DSG4: variants seen among roughly 807,000 people sequenced by gnomAD.
DSG4 encodes the protein desmoglein-4.
Under a neutral mutation model 93.1 loss-of-function variants are expected in DSG4, and 87 were observed. That is an observed-to-expected ratio of 0.93 (90% confidence interval 0.79 to 1.12). The LOEUF is 1.12. Ranked by LOEUF, DSG4 falls within the 50% of genes most tolerant of loss-of-function variation. DSG4 has a pLI of 0.00. For missense variants in DSG4, 1,373 were observed against 1,285.7 expected (o/e 1.07, Z -1.04); for synonymous variants, 432 against 452.9 (o/e 0.95, Z 0.59).
At position 31,403,910 on chromosome 18, in the gene DSG4, G is replaced by A. The variant is rs565283056; in HGVS notation, c.1636+276G>A. ...CATCATTTTGAGTAGGTAAAACGTT[G>A]AACCAATATTTATTCAGTTTAAAAT... is the stretch of plus-strand genomic sequence containing the variant. On this transcript the variant is annotated intron_variant, in intron 11 of 15. Coordinates refer to ENST00000308128, the MANE Select transcript of DSG4 (RefSeq NM_177986.5). 1.9e-4 allele frequency among the ~76,000 whole-genome samples: 29 copies of A among 152,176 alleles called. 1 individual carries two copies. In the South Asian group the frequency reaches 5.8e-3, roughly 31 times the overall value.
At chr18:31,383,039 C>T (rs2072152220) in intron 1 of DSG4, among the ~76,000 whole-genome samples, 1 of 152,192 alleles carries the variant, frequency 6.6e-6, no homozygotes, top group Non-Finnish European at 1.5e-5. Flanking sequence ...ACTTTCAAGT[C>T]CTTAAAAATG....
rs751004337 is a variant in DSG4, at chr18:31,388,539, T to C, written c.372+17T>C. 9 of 1,612,824 alleles carry C rather than the reference T, an allele frequency of 5.6e-6. No homozygotes were observed. The highest frequency in any genetic ancestry group is 4.4e-5 in the South Asian group (4 of 91,052). ...CTTTTCTTGGTAAGTCATAGCCATA[T>C]GTTTTGATTTGTTCATATTAGTTTT... is the stretch of plus-strand genomic sequence containing the variant. On this transcript the variant is annotated intron_variant, in intron 4 of 15. Transcript: ENST00000308128.
rs190458670 is a variant in DSG4, at chr18:31,399,446, G to A, written c.1180G>A (p.Val394Met). The A allele has an allele frequency of 3.7e-6, 6 of 1,614,062 alleles. No individual in the cohort carries two copies. In the East Asian group the frequency reaches 1.1e-4, roughly 30 times the overall value. ...AFHPSTMAFSVREGIKGSSLL... is the reference protein window; with the variant it reads ...AFHPSTMAFSMREGIKGSSLL... ...TCATCCAAGTACTATGGCTTTTAGTGTGCGGGAAGGAATAAAAGGAAGTTC... is the reference window on the plus strand; with the variant it reads ...TCATCCAAGTACTATGGCTTTTAGTATGCGGGAAGGAATAAAAGGAAGTTC... The change falls in exon 9 of 16, where the codon GTG becomes ATG. Residue 394 changes from valine to methionine, a missense_variant. Coordinates refer to ENST00000308128, the MANE Select transcript of DSG4 (RefSeq NM_177986.5).
In DSG4 at chr18:31,411,353, G is replaced by A; in HGVS notation, c.2260G>A (p.Gly754Arg). ...GGCCGCAGGGGCCGCAGGAGCCTCA[G>A]GGGCCGCAAGGAAGAGGAGCTCTAC... The part of the protein sequence containing the change: ...LMAAGAAGAS[G>R]AARKRSSTMG... Residue 754 changes from glycine (G) to arginine (R), a missense_variant, in exon 15 of 16, where the codon GGG (glycine) becomes AGG (arginine). Gly to Arg is a moderately radical substitution (Grantham distance 125). Coordinates refer to ENST00000308128, the MANE Select transcript of DSG4 (RefSeq NM_177986.5). 1 of 1,614,166 alleles carries A rather than the reference G, an allele frequency of 6.2e-7. No individual in the cohort carries two copies. Among genetic ancestry groups the A allele is most frequent in the Non-Finnish European group, 8.5e-7 (1 of 1,180,040 alleles).
chr18:31,407,324 C>A (rs1300393205), intron 12 of DSG4, among the ~76,000 whole-genome samples: 1 of 152,102 alleles, frequency 6.6e-6, no homozygotes, highest in East Asian at 1.9e-4. Flanking sequence ...GCGCAGGTGA[C>A]CCTGCGGTAG....
In DSG4 at chr18:31,413,632, A is replaced by C. The variant is rs1236182568; in HGVS notation, c.*37A>C. On this transcript the variant is annotated 3_prime_UTR_variant, in exon 16 of 16. Coordinates refer to ENST00000308128, the MANE Select transcript of DSG4 (RefSeq NM_177986.5). ...TCAGTATTCTATGTGGAGACCTTGC[A>C]CCTTGTAATCATCAATACATCCACC... 6.2e-7 allele frequency: 1 copy of C among 1,605,598 alleles called. No individual in the cohort carries two copies. The highest frequency in any genetic ancestry group is 8.5e-7 in the Non-Finnish European group (1 of 1,178,336).
rs1243579885 is a variant in DSG4, at chr18:31,409,997, T to C, written c.2137+189T>C. On this transcript the variant is annotated intron_variant, in intron 14 of 15. Coordinates refer to ENST00000308128, the MANE Select transcript of DSG4 (RefSeq NM_177986.5). Reference sequence around the variant, plus strand: ...ATCTGAAACTACAGACAGTGAAGTATGACACAGCAGTTAAAAGAGCAAACT... The same window carrying C: ...ATCTGAAACTACAGACAGTGAAGTACGACACAGCAGTTAAAAGAGCAAACT... Among the ~76,000 whole-genome samples the C allele has an allele frequency of 7.9e-5, 12 of 152,154 alleles. 1 individual carries two copies. Among genetic ancestry groups the C allele is most frequent in the Admixed American group, 6.5e-5 (1 of 15,272 alleles).
chr18:31,377,031 C>T, intron 1 of DSG4, 72 bp downstream of exon 1: 2 of 1,497,826 alleles, frequency 1.3e-6, no homozygotes, highest in Middle Eastern at 1.7e-4. Flanking sequence ...GTCGGGCTTT[C>T]TACATGGGAT....
intron 10 of DSG4, among the ~76,000 whole-genome samples, chr18:31,401,380 T>A (rs1436367379): frequency 6.6e-6 from 1 of 152,188 alleles, no homozygotes; most frequent in Admixed American, 6.5e-5. Flanking sequence ...AAAGTTCATT[T>A]GGGGATCACC....
chr18:31,405,948 G>A, intron 11 of DSG4, 129 bp from the exon 12 acceptor site: 3 of 909,972 alleles, frequency 3.3e-6, no homozygotes, highest in African/African-American at 1.7e-5. Flanking sequence ...AGTACAAGGT[G>A]CTTTATGACT....
chr18:31,385,030 T>C, intron 1 of DSG4, 106 bp from the exon 2 acceptor site: 1 of 994,132 alleles, frequency 1.0e-6, no homozygotes, highest in Non-Finnish European at 1.6e-6. Flanking sequence ...CAACAAAATG[T>C]ATATTTAAAA....
intron 8 of DSG4, among the ~76,000 whole-genome samples, chr18:31,395,780 C>G (rs1329785917): frequency 6.6e-6 from 1 of 152,084 alleles, no homozygotes; most frequent in Non-Finnish European, 1.5e-5. Context: ...GCGGGAGGGT[C>G]ACTTGAGTCC....
At position 31,406,267 on chromosome 18, in the gene DSG4, T is replaced by A; in HGVS notation, c.1827T>A (p.Thr609=). 6.2e-7 allele frequency: 1 copy of A among 1,614,224 alleles called. No individual in the cohort carries two copies. Among genetic ancestry groups the A allele is most frequent in the Non-Finnish European group, 8.5e-7 (1 of 1,180,038 alleles). Residue 609 remains threonine (T), a synonymous_variant, in exon 12 of 16, where the codon ACT becomes ACA. Transcript: ENST00000308128. ...GAAGIYTEDI[T]GDTYGPVTED... is the part of the protein sequence containing the mutation. ...CGGGCATCTACACAGAGGACATAAC[T>A]GGTGACACGTATGGGCCTGTCACTG...
chr18:31,384,935 G>C (rs1568061357), intron 1 of DSG4, among the ~76,000 whole-genome samples: 1 of 152,100 alleles, frequency 6.6e-6, no homozygotes, highest in Admixed American at 6.6e-5. Context: ...GTAGACTTAT[G>C]TGTTTGTCTT....
chr18:31,412,915 G>A lies in DSG4; in HGVS notation c.2443G>A (p.Val815Ile), dbSNP rs369634548. 9.3e-6 allele frequency: 15 copies of A among 1,614,068 alleles called. No homozygotes were observed. Among genetic ancestry groups the A allele is most frequent in the Admixed American group, 1.7e-5 (1 of 59,998 alleles). ...IYDHEGVGSP[V>I]GSIGCCSWIV... ...TGACCACGAGGGAGTCGGGTCTCCCGTAGGCTCTATTGGTTGTTGCAGTTG... is the reference window on the plus strand; with the variant it reads ...TGACCACGAGGGAGTCGGGTCTCCCATAGGCTCTATTGGTTGTTGCAGTTG... Residue 815 changes from valine to isoleucine, a missense_variant, in exon 16 of 16, where the codon GTA (valine) becomes ATA (isoleucine). Val to Ile is a conservative substitution (Grantham distance 29). Transcript: ENST00000308128.
chr18:31,383,662 C>T (rs1285004855), intron 1 of DSG4, among the ~76,000 whole-genome samples: 2 of 152,012 alleles, frequency 1.3e-5, no homozygotes, highest in Non-Finnish European at 2.9e-5. Context: ...GTCAATCTAC[C>T]TCAGCGTGCA....
rs752299240 is a variant in DSG4, at chr18:31,399,550, C to G, written c.1277+7C>G. ...ACCCTGCAACAGATGTCAGGTACTG[C>G]AACTATTTTCTTCATGTTCTATGGT... On this transcript the variant is annotated splice_region_variant and intron_variant, in intron 9 of 15. Transcript: ENST00000308128. The G allele has an allele frequency of 6.2e-7, 1 of 1,613,794 alleles. No individual in the cohort carries two copies. Among genetic ancestry groups the G allele is most frequent in the Non-Finnish European group, 8.5e-7 (1 of 1,179,838 alleles).
In DSG4 at chr18:31,406,222, G is replaced by A. The variant is rs751461863; in HGVS notation, c.1782G>A (p.Met594Ile). Residue 594 changes from methionine to isoleucine, a missense_variant, in exon 12 of 16, where the codon ATG becomes ATA. Coordinates refer to ENST00000308128, the MANE Select transcript of DSG4 (RefSeq NM_177986.5). ...CCTGTGATTGCGATGACAACCACATGTGCCTGGACTCTGGTGCCGCGGGCA... is the reference window on the plus strand; with the variant it reads ...CCTGTGATTGCGATGACAACCACATATGCCTGGACTCTGGTGCCGCGGGCA... ...LYACDCDDNH[M>I]CLDSGAAGIY... 1 of 1,613,420 alleles carries A rather than the reference G, an allele frequency of 6.2e-7. No homozygotes were observed. Among genetic ancestry groups the A allele is most frequent in the Non-Finnish European group, 8.5e-7 (1 of 1,179,800 alleles).
At chr18:31,408,554 T>G (rs938352381) in intron 12 of DSG4, among the ~76,000 whole-genome samples, 3 of 152,232 alleles carry the variant, frequency 2.0e-5, no homozygotes, top group Non-Finnish European at 4.4e-5. Context: ...TGTTTTTAAT[T>G]TTTAATTTTT....
Sources: gnomAD v4.1 joint callset for allele counts (sites outside exome capture counted in the v4.1 genomes callset) on GRCh38, gnomAD v4.1.1 for gene constraint, MANE v1.5 for transcripts, NCBI Gene and HGNC (gene_info 2026-07-23, HGNC 2026-07-21) for gene names.